The following UNC5D variants were observed in gnomAD, a reference collection of about 807,000 sequenced individuals.
UNC5D encodes netrin receptor UNC5D.
Under a neutral mutation model 105.4 loss-of-function variants are expected in UNC5D, and 39 were observed. That is an observed-to-expected ratio of 0.37 (90% CI 0.29 to 0.48). The LOEUF (loss-of-function observed/expected upper bound fraction) is 0.48. UNC5D is among the 20% of genes least tolerant of loss of function. UNC5D has a pLI of 0.98. For missense variants in UNC5D, 991 were observed against 1,202.4 expected, an observed-to-expected ratio of 0.82 and a Z score of 2.60; for synonymous variants, 452 against 450.4, an observed-to-expected ratio of 1.00 and a Z score of -0.04.
chr8:35,432,852 C>A (rs536921010), intron 1 of UNC5D, among the ~76,000 whole-genome samples: 3 of 152,298 alleles, frequency 2.0e-5, no homozygotes, highest in Admixed American at 6.5e-5. Context: ...GCCAAGGCAG[C>A]TTTGTCTGGT....
intron 1 of UNC5D, among the ~76,000 whole-genome samples, chr8:35,455,717 A>C (rs993110094): frequency 6.6e-6 from 1 of 152,112 alleles, no homozygotes; most frequent in Non-Finnish European, 1.5e-5. Context: ...TCACCATTCC[A>C]TGTGGCTGAG....
chr8:35,750,850 AGT>A (rs1485475947), intron 13 of UNC5D, 41 bp downstream of exon 13: 4 of 1,608,820 alleles, frequency 2.5e-6, no homozygotes, highest in Non-Finnish European at 3.4e-6. Context: ...GTGTCATGAA[AGT>A]GTGTGTTTTC....
chr8:35,543,657 A>G (rs184492910), intron 1 of UNC5D, among the ~76,000 whole-genome samples: 1 of 152,174 alleles, frequency 6.6e-6, no homozygotes, highest in Admixed American at 6.5e-5. Context: ...TTATTCTTTG[A>G]CTTCTTTATT....
chr8:35,625,300 C>T (rs1020029341), intron 4 of UNC5D, among the ~76,000 whole-genome samples: 19 of 152,154 alleles, frequency 1.2e-4, no homozygotes, highest in African/African-American at 4.6e-4. Context: ...GGGTTTGGCA[C>T]TTTAATGGGT....
chr8:35,753,960 T>C (rs1406663323), intron 13 of UNC5D, among the ~76,000 whole-genome samples: 2 of 152,246 alleles, frequency 1.3e-5, no homozygotes, highest in Admixed American at 6.5e-5. Flanking sequence ...TAAGTGAATG[T>C]GTTCAAGGCC....
At chr8:35,278,743 A>C (rs1459453776) in intron 1 of UNC5D, among the ~76,000 whole-genome samples, 1 of 152,094 alleles carries the variant, frequency 6.6e-6, no homozygotes, top group Non-Finnish European at 1.5e-5. Flanking sequence ...AGCACCTGAA[A>C]TCTACTCTCT....
At chr8:35,343,277 T>C (rs1370858248) in intron 1 of UNC5D, among the ~76,000 whole-genome samples, 2 of 152,140 alleles carry the variant, frequency 1.3e-5, no homozygotes, top group Non-Finnish European at 2.9e-5. Context: ...AAAAGAATCA[T>C]ACTTTAAATT....
intron 1 of UNC5D, among the ~76,000 whole-genome samples, chr8:35,464,661 C>A (rs376693628): frequency 6.6e-6 from 1 of 152,024 alleles, no homozygotes; most frequent in Non-Finnish European, 1.5e-5. Context: ...AAATGGGAGG[C>A]AATCTTTGAA....
chr8:35,626,597 G>A (rs1322377694), intron 4 of UNC5D, among the ~76,000 whole-genome samples: 2 of 152,180 alleles, frequency 1.3e-5, no homozygotes, highest in Non-Finnish European at 1.5e-5. Flanking sequence ...TGCAAGATAC[G>A]AGTGCTTGAA....
intron 1 of UNC5D, among the ~76,000 whole-genome samples, chr8:35,472,780 T>C (rs1057162216): frequency 1.3e-5 from 2 of 152,202 alleles, no homozygotes; most frequent in Non-Finnish European, 2.9e-5. Flanking sequence ...GAATAAAGAA[T>C]GCAAGCTTCT....
chr8:35,565,219 T>C (rs953475671), intron 2 of UNC5D, among the ~76,000 whole-genome samples: 5 of 152,208 alleles, frequency 3.3e-5, no homozygotes, highest in Non-Finnish European at 7.3e-5. Context: ...TGTGTAACTA[T>C]TCCCTTTTCA....
chr8:35,598,949 C>T (rs988051729), intron 4 of UNC5D, among the ~76,000 whole-genome samples: 2 of 151,946 alleles, frequency 1.3e-5, no homozygotes, highest in African/African-American at 2.4e-5. Flanking sequence ...TTGAGACCAG[C>T]CTGCCTAACA....
intron 1 of UNC5D, among the ~76,000 whole-genome samples, chr8:35,463,320 C>A (rs1809036742): frequency 6.6e-6 from 1 of 152,090 alleles, no homozygotes; most frequent in African/African-American, 2.4e-5. Flanking sequence ...AATTTGAAGT[C>A]TCTAGAGCTA....
rs115392494 is a variant in UNC5D, at chr8:35,764,357, G to A, written c.2314-2545G>A. Among the ~76,000 whole-genome samples, 183 of 152,246 alleles carry A rather than the reference G, an allele frequency of 1.2e-3. 1 individual carries two copies. Among genetic ancestry groups the A allele is most frequent in the African/African-American group, 4.3e-3 (177 of 41,552 alleles). ...CAGAGAGAGATGGCAGTTGGGGCAC[G>A]TGTGAGCAGATGGGATCTTGAACAG... On this transcript the variant is annotated intron_variant, in intron 14 of 16. Transcript: ENST00000404895.
chr8:35,388,369 A>T (rs1415889978), intron 1 of UNC5D, among the ~76,000 whole-genome samples: 1 of 151,984 alleles, frequency 6.6e-6, no homozygotes, highest in Non-Finnish European at 1.5e-5. Flanking sequence ...ATCTCGAAAA[A>T]AACCCAAAAA....
intron 4 of UNC5D, among the ~76,000 whole-genome samples, chr8:35,649,506 C>T (rs748023652): frequency 1.3e-5 from 2 of 152,142 alleles, no homozygotes; most frequent in African/African-American, 4.8e-5. Flanking sequence ...TGGACTCTAA[C>T]GATTAATTTG....
chr8:35,463,530 TG>T (rs1809053394), intron 1 of UNC5D, among the ~76,000 whole-genome samples: 3 of 151,936 alleles, frequency 2.0e-5, no homozygotes, highest in Admixed American at 2.0e-4. Context: ...TGATAAGACT[TG>T]CTTTATAATA....
intron 1 of UNC5D, among the ~76,000 whole-genome samples, chr8:35,476,077 C>G (rs1810074592): frequency 6.6e-6 from 1 of 152,184 alleles, no homozygotes; most frequent in South Asian, 2.1e-4. Flanking sequence ...ACATCTCTCG[C>G]TCTGGATTTA....
intron 1 of UNC5D, among the ~76,000 whole-genome samples, chr8:35,466,115 T>C (rs1467161162): frequency 6.6e-6 from 1 of 152,174 alleles, no homozygotes; most frequent in Non-Finnish European, 1.5e-5. Context: ...TTGTAGTAGA[T>C]GATTTGTTAC....
Sources: allele counts gnomAD v4.1 joint callset (sites outside exome capture counted in the v4.1 genomes callset), GRCh38; gene constraint gnomAD v4.1.1; transcripts MANE v1.5; gene names NCBI Gene and HGNC (gene_info 2026-07-23, HGNC 2026-07-21).